SMC2: variants seen among roughly 807,000 people sequenced by gnomAD.
SMC2 encodes the protein structural maintenance of chromosomes 2.
In SMC2, 41 loss-of-function variants were observed where a neutral mutation model predicts 142.6. The ratio of observed to expected loss-of-function variants is 0.29; its 90% CI spans 0.22 to 0.37. The LOEUF (loss-of-function observed/expected upper bound fraction) is 0.37. SMC2 is among the 10% of genes least tolerant of loss of function. The pLI is 1.00. For missense variants in SMC2, 1,265 were observed against 1,373.7 expected, an observed-to-expected ratio of 0.92 and a Z score of 1.25; for synonymous variants, 463 against 457.5, an observed-to-expected ratio of 1.01 and a Z score of -0.15.
At chr9:104,129,542 CTTCAGT>C (rs2131525765) in intron 20 of SMC2, 97 bp from the exon 21 acceptor site, 1 of 916,140 alleles carries the variant, frequency 1.1e-6, no homozygotes, top group Admixed American at 2.3e-5. Flanking sequence ...GTTTTTTCCT[CTTCAGT>C]ATTTGATTCA....
At chr9:104,117,062 A>G (rs984370873) in intron 14 of SMC2, among the ~76,000 whole-genome samples, 22 of 152,180 alleles carry the variant, frequency 1.4e-4, no homozygotes, top group African/African-American at 5.3e-4. Flanking sequence ...CATTCAGAAG[A>G]TTTCAATGCA....
intron 4 of SMC2, 37 bp downstream of exon 4, chr9:104,098,605 A>G (rs1190409570): frequency 1.3e-6 from 2 of 1,561,284 alleles, no homozygotes; most frequent in Non-Finnish European, 1.7e-6. Context: ...CTTTCGTAAT[A>G]GTTTCGACAT....
At chr9:104,089,033 G>T in the SMC2 span, among the ~76,000 whole-genome samples, 3 of 151,982 alleles carry the variant, frequency 2.0e-5, no homozygotes, top group African/African-American at 7.3e-5. Context: ...AGATGAATCT[G>T]AGAAAGTAGG....
At chr9:104,088,987 A>C in the SMC2 span, among the ~76,000 whole-genome samples, 1 of 152,168 alleles carries the variant, frequency 6.6e-6, no homozygotes, top group Admixed American at 6.5e-5. Flanking sequence ...AGTTAAAAAA[A>C]AAAAAAAGAC....
At chr9:104,089,500 A>G (rs910417554), upstream of SMC2, among the ~76,000 whole-genome samples, 1 of 152,174 alleles carries the variant, frequency 6.6e-6, no homozygotes, top group Non-Finnish European at 1.5e-5. Context: ...AATTATCCCC[A>G]TAAAAGAAGG....
Position 104,116,354 on chromosome 9 carries a change from C to A in SMC2, c.1791+35C>A, listed in dbSNP as rs773892175. The A allele has an allele frequency of 1.9e-5, 30 of 1,555,326 alleles. No individual in the cohort carries two copies. In the South Asian group the frequency reaches 3.5e-4, roughly 18 times the overall value. ...ATTTTGTCTTATTTATATGTTTAAT[C>A]GTCATCTGTGGTTTTTTTAAGTTAG... is the stretch of plus-strand genomic sequence containing the variant. On this transcript the variant is annotated intron_variant, in intron 14 of 24. Coordinates refer to ENST00000374793, the MANE Select transcript of SMC2 (RefSeq NM_006444.3).
intron 18 of SMC2, 60 bp from the exon 19 acceptor site, chr9:104,126,581 A>G (rs111442320): frequency 7.9e-7 from 1 of 1,258,072 alleles, no homozygotes. Context: ...TGTTCTGTAC[A>G]TATTTGTTTT....
At chr9:104,128,503 T>A (rs1488161634) in intron 20 of SMC2, among the ~76,000 whole-genome samples, 1 of 152,184 alleles carries the variant, frequency 6.6e-6, no homozygotes, top group Admixed American at 6.5e-5. Context: ...TATACATACC[T>A]ACCAGTATCA....
chr9:104,138,270 A>G (rs1835766481), intron 24 of SMC2, 105 bp downstream of exon 24: 1 of 899,434 alleles, frequency 1.1e-6, no homozygotes, highest in South Asian at 2.6e-5. Flanking sequence ...AGGGTTGATA[A>G]ATACTAAAGC....
Position 104,120,016 on chromosome 9 carries a change from G to C in SMC2, c.1997-11G>C. 1.2e-6 allele frequency: 2 copies of C among 1,613,336 alleles called. No individual in the cohort carries two copies. The highest frequency in any genetic ancestry group is 1.7e-6 in the Non-Finnish European group (2 of 1,179,672). On this transcript the variant is annotated splice_polypyrimidine_tract_variant and intron_variant, in intron 15 of 24. Coordinates refer to ENST00000374793, the MANE Select transcript of SMC2 (RefSeq NM_006444.3). Reference sequence around the variant, plus strand: ...CAATGTGGAAGACCTGTTTCAATTTGCCTCTATCAGGTGCTCGATCCCAGG... The same window carrying C: ...CAATGTGGAAGACCTGTTTCAATTTCCCTCTATCAGGTGCTCGATCCCAGG...
intron 9 of SMC2, among the ~76,000 whole-genome samples, chr9:104,104,311 A>G (rs1294673097): frequency 1.3e-5 from 2 of 152,192 alleles, no homozygotes; most frequent in Non-Finnish European, 1.5e-5. Context: ...TGTGAAATGG[A>G]TTTATTACTT....
At chr9:104,115,924 T>TAA (rs1275292326) in intron 13 of SMC2, among the ~76,000 whole-genome samples, 1 of 152,030 alleles carries the variant, frequency 6.6e-6, no homozygotes, top group African/African-American at 2.4e-5. Flanking sequence ...CTTTTTTTTT[T>TAA]AAAAGATTCC....
chr9:104,110,725 T>C (rs1248110324), intron 9 of SMC2, among the ~76,000 whole-genome samples: 1 of 152,180 alleles, frequency 6.6e-6, no homozygotes, highest in African/African-American at 2.4e-5. Flanking sequence ...AACATGTTCC[T>C]CAGGGCTTTC....
chr9:104,093,985 G>C (rs540311278), upstream of SMC2, among the ~76,000 whole-genome samples: 1 of 152,230 alleles, frequency 6.6e-6, no homozygotes, highest in Admixed American at 6.5e-5. Context: ...GACTGGAGAA[G>C]GCGGAGTCTG....
intron 23 of SMC2, among the ~76,000 whole-genome samples, chr9:104,136,752 ATTC>A (rs1835577709): frequency 7.7e-6 from 1 of 129,288 alleles, no homozygotes; most frequent in Admixed American, 7.3e-5. Flanking sequence ...ATACTGTTTT[ATTC>A]TTTTTTTTTT....
intron 8 of SMC2, 66 bp downstream of exon 8, chr9:104,102,259 A>T: frequency 9.3e-7 from 1 of 1,074,580 alleles, no homozygotes; most frequent in South Asian, 1.6e-5. Flanking sequence ...ATATATAGTA[A>T]CTATTTAGGA....
At chr9:104,123,051 A>G (rs7350223) in intron 16 of SMC2, 57 bp from the exon 17 acceptor site, 594,331 of 1,549,740 alleles carry the variant, frequency 0.38, 117,513 homozygotes, top group Middle Eastern at 0.48. Context: ...GTTTGAATGT[A>G]TTTCTCAAAT....
At chr9:104,088,583 T>C in the SMC2 span, among the ~76,000 whole-genome samples, 1 of 152,272 alleles carries the variant, frequency 6.6e-6, no homozygotes, top group South Asian at 2.1e-4. Flanking sequence ...GATGGAGAAG[T>C]GAACACTAAT....
chr9:104,102,619 A>G, intron 9 of SMC2, 46 bp downstream of exon 9: 1 of 1,565,546 alleles, frequency 6.4e-7, no homozygotes, highest in East Asian at 2.3e-5. Context: ...AGACAAGTAT[A>G]TAGTCTCATT....
Sources: gnomAD v4.1 joint callset for allele counts (sites outside exome capture counted in the v4.1 genomes callset) on GRCh38, gnomAD v4.1.1 for gene constraint, MANE v1.5 for transcripts, NCBI Gene and HGNC (gene_info 2026-07-23, HGNC 2026-07-21) for gene names.